Variants in LSAMP observed in about 807,000 individuals in gnomAD.
The protein encoded by LSAMP is limbic system associated membrane protein.
In LSAMP, 7 loss-of-function variants were observed where a neutral mutation model predicts 38.6. The ratio of observed to expected loss-of-function variants is 0.18; its 90% CI spans 0.10 to 0.34. LSAMP has a LOEUF of 0.34. Ranked by LOEUF, LSAMP falls within the 10% of genes least tolerant of loss-of-function variation. The pLI, the probability that LSAMP is intolerant of heterozygous loss-of-function variation, is 1.00. For missense variants in LSAMP, 313 were observed against 420.0 expected (o/e 0.75, Z 2.23); for synonymous variants, 154 against 166.8 (o/e 0.92, Z 0.59).
At chr3:116,240,944 G>A (rs2046525122) in intron 1 of LSAMP, among the ~76,000 whole-genome samples, 1 of 152,176 alleles carries the variant, frequency 6.6e-6, no homozygotes, top group Non-Finnish European at 1.5e-5. Flanking sequence ...GGGAGACCAA[G>A]GCTGGCGGAT....
intron 1 of LSAMP, among the ~76,000 whole-genome samples, chr3:116,282,919 C>T (rs77706887): frequency 0.12 from 18,372 of 152,018 alleles, 2,715 homozygotes; most frequent in African/African-American, 0.35. Context: ...TTACTCTCTC[C>T]CCTGTCTGTC....
intron 1 of LSAMP, among the ~76,000 whole-genome samples, chr3:116,349,462 T>C (rs1449655829): frequency 6.7e-6 from 1 of 150,290 alleles, no homozygotes; most frequent in Non-Finnish European, 1.5e-5. Flanking sequence ...GAAAACAGAA[T>C]AATGACCCCC....
At chr3:116,013,035 C>T (rs895332213) in intron 3 of LSAMP, among the ~76,000 whole-genome samples, 2 of 152,134 alleles carry the variant, frequency 1.3e-5, no homozygotes, top group African/African-American at 4.8e-5. Context: ...TAAGTTATTG[C>T]CTCTCCCCAC....
At chr3:115,815,714 A>T (rs1157124080) in intron 6 of LSAMP, among the ~76,000 whole-genome samples, 1 of 152,240 alleles carries the variant, frequency 6.6e-6, no homozygotes, top group East Asian at 1.9e-4. Context: ...GCCACTTAAG[A>T]TTAAAACATA....
intron 3 of LSAMP, among the ~76,000 whole-genome samples, chr3:115,962,416 C>A (rs1408380292): frequency 6.6e-6 from 1 of 152,172 alleles, no homozygotes; most frequent in East Asian, 1.9e-4. Context: ...AGATAATTCT[C>A]TAATGACACA....
chr3:115,966,292 C>A (rs975770738), intron 3 of LSAMP, among the ~76,000 whole-genome samples: 1 of 152,158 alleles, frequency 6.6e-6, no homozygotes, highest in African/African-American at 2.4e-5. Flanking sequence ...GTACATGAAG[C>A]CTTGATCTCG....
At chr3:115,948,284 G>T (rs1559892743) in intron 3 of LSAMP, among the ~76,000 whole-genome samples, 1 of 152,000 alleles carries the variant, frequency 6.6e-6, no homozygotes, top group Non-Finnish European at 1.5e-5. Context: ...TATTTAAGAA[G>T]TCCTGATTTA....
intron 1 of LSAMP, among the ~76,000 whole-genome samples, chr3:116,405,315 C>T (rs2048885776): frequency 6.6e-6 from 1 of 152,056 alleles, no homozygotes; most frequent in South Asian, 2.1e-4. Flanking sequence ...ACCTTCTAGA[C>T]AGACAAGCTG....
intron 1 of LSAMP, among the ~76,000 whole-genome samples, chr3:116,218,142 G>C (rs1051166634): frequency 2.6e-5 from 4 of 152,020 alleles, no homozygotes; most frequent in Non-Finnish European, 5.9e-5. Context: ...GAGAAGGAGT[G>C]GGAGTTGTCC....
At chr3:115,885,470 T>C (rs1936428326) in intron 3 of LSAMP, among the ~76,000 whole-genome samples, 2 of 151,842 alleles carry the variant, frequency 1.3e-5, no homozygotes. Context: ...ACTAGAAGAC[T>C]AGTGGGGAAG....
At chr3:115,981,716 C>G (rs963470220) in intron 3 of LSAMP, among the ~76,000 whole-genome samples, 2 of 152,172 alleles carry the variant, frequency 1.3e-5, no homozygotes, top group African/African-American at 4.8e-5. Flanking sequence ...CCCATGTTCT[C>G]TTGCAGACCT....
rs569914278 is a variant in LSAMP, at chr3:116,076,732, A to G, written c.388+9592T>C. Among the ~76,000 whole-genome samples, 3 of 152,182 alleles carry G rather than the reference A, an allele frequency of 2.0e-5. No homozygotes were observed. The South Asian group carries it at 6.2e-4, about 32-fold the overall frequency. On this transcript the variant is annotated intron_variant, in intron 2 of 6. Transcript: ENST00000490035. ...TTTAAACATCTTTACATCTTTAATG[A>G]TATTTGTGTTGCCATTCAAGAATTA...
rs1021211293 is a variant in LSAMP, at chr3:115,804,969, T to G, written c.*5348A>C. ...ACATTTTTTATATTGCACAATTTCT[T>G]AGAATCCAGATGGCAAGCTTTCCCA... On this transcript the variant is annotated 3_prime_UTR_variant, in exon 7 of 7. Transcript: ENST00000490035. 6.6e-6 allele frequency: 1 copy of G among 152,198 alleles called. No individual in the cohort carries two copies. Among genetic ancestry groups the G allele is most frequent in the Non-Finnish European group, 1.5e-5 (1 of 68,026 alleles). 9.4% of individuals were successfully genotyped at this position (152,198 alleles called of 1,614,324 possible). A position where few individuals can be genotyped will look rare whatever the true frequency, so the allele number is the denominator to read the frequency against.
At chr3:116,420,890 T>C (rs937040392) in intron 1 of LSAMP, among the ~76,000 whole-genome samples, 6 of 151,956 alleles carry the variant, frequency 3.9e-5, no homozygotes, top group African/African-American at 2.4e-5. Context: ...AAAATAAATA[T>C]ATAAATAAAT....
At chr3:115,826,988 C>A in intron 6 of LSAMP, among the ~76,000 whole-genome samples, 1 of 146,320 alleles carries the variant, frequency 6.8e-6, no homozygotes. Context: ...AGCACTGCTG[C>A]ACTTAACAGC....
chr3:115,983,778 G>A (rs1939432006), intron 3 of LSAMP, among the ~76,000 whole-genome samples: 1 of 152,130 alleles, frequency 6.6e-6, no homozygotes, highest in Non-Finnish European at 1.5e-5. Context: ...AACACGATAT[G>A]GCTCCTTACA....
At chr3:115,983,387 G>A (rs1274627611) in intron 3 of LSAMP, among the ~76,000 whole-genome samples, 1 of 151,994 alleles carries the variant, frequency 6.6e-6, no homozygotes, top group Non-Finnish European at 1.5e-5. Context: ...GCCTGGTATG[G>A]TGGTGCACAC....
At chr3:115,983,078 A>G (rs1939411143) in intron 3 of LSAMP, among the ~76,000 whole-genome samples, 1 of 152,046 alleles carries the variant, frequency 6.6e-6, no homozygotes. Flanking sequence ...CCAATACCAA[A>G]ATATAGCAAC....
rs551425599 is a variant in LSAMP, at chr3:116,258,464, TTAAAG to T, written c.156-171913_156-171909del. ...CTAGTATATTAGAAACCCGTAATCTTTAAAGTAGTAAACAGAATGTCAGGGATGAA... is the reference window on the plus strand; with the variant it reads ...CTAGTATATTAGAAACCCGTAATCTTTAGTAAACAGAATGTCAGGGATGAA... On this transcript the variant is annotated intron_variant, in intron 1 of 6. Transcript: ENST00000490035. Among the ~76,000 whole-genome samples the T allele has an allele frequency of 5.4e-3, 828 of 152,126 alleles. 10 individuals carry two copies. The highest frequency in any genetic ancestry group is 5.1e-3 in the Non-Finnish European group (346 of 67,936).
Sources: gnomAD v4.1 joint callset for allele counts (sites outside exome capture counted in the v4.1 genomes callset) on GRCh38, gnomAD v4.1.1 for gene constraint, MANE v1.5 for transcripts, NCBI Gene and HGNC (gene_info 2026-07-23, HGNC 2026-07-21) for gene names.